Variants in ROBO2 observed in about 807,000 individuals in gnomAD.
The protein encoded by ROBO2 is roundabout homolog 2.
In ROBO2, 53 loss-of-function variants were observed where a neutral mutation model predicts 160.8. That is an observed-to-expected ratio of 0.33 (90% CI 0.26 to 0.41). The LOEUF is 0.41. ROBO2 is among the 10% of genes least tolerant of loss of function. The pLI, the probability that ROBO2 is intolerant of heterozygous loss-of-function variation, is 1.00. For synonymous variants in ROBO2, 664 were observed against 611.7 expected (o/e 1.09, Z -1.26); for missense variants, 1,577 against 1,722.4 (o/e 0.92, Z 1.49).
intron 1 of ROBO2, among the ~76,000 whole-genome samples, chr3:77,068,574 G>A (rs972789434): frequency 6.6e-6 from 1 of 151,968 alleles, no homozygotes; most frequent in African/African-American, 2.4e-5. Context: ...TAACAGGCAA[G>A]TTCAAAATTC....
At chr3:77,202,865 G>A (rs1411697971) in intron 2 of ROBO2, among the ~76,000 whole-genome samples, 1 of 152,126 alleles carries the variant, frequency 6.6e-6, no homozygotes, top group Non-Finnish European at 1.5e-5. Context: ...CCAAGTTTAA[G>A]GCAAAGGCCT....
intron 17 of ROBO2, among the ~76,000 whole-genome samples, chr3:77,591,085 A>C (rs1200365817): frequency 6.6e-6 from 1 of 152,146 alleles, no homozygotes; most frequent in African/African-American, 2.4e-5. Context: ...ATTTAATATG[A>C]GTGAGCAAAT....
At chr3:76,808,708 A>C (rs1424919174) in intron 2 of ROBO2, among the ~76,000 whole-genome samples, 4 of 152,142 alleles carry the variant, frequency 2.6e-5, no homozygotes, top group African/African-American at 7.2e-5. Context: ...TTAGAATCAG[A>C]CCTGCAGAGA....
intron 2 of ROBO2, among the ~76,000 whole-genome samples, chr3:77,130,201 G>A (rs141121323): frequency 1.1e-4 from 17 of 152,092 alleles, no homozygotes; most frequent in African/African-American, 3.6e-4. Context: ...TCCGATGGCC[G>A]GCCACTGCAC....
chr3:77,237,445 G>GTGTGTGTGTGTGTGTGT (rs1553862748), intron 2 of ROBO2, among the ~76,000 whole-genome samples: 6 of 147,018 alleles, frequency 4.1e-5, no homozygotes, highest in South Asian at 2.2e-4. Context: ...GTGTGTGTGT[G>GTGTGTGTGTGTGTGTGT]GTGGTGATAA....
At chr3:77,484,531 A>G (rs1367962539) in intron 4 of ROBO2, among the ~76,000 whole-genome samples, 1 of 151,764 alleles carries the variant, frequency 6.6e-6, no homozygotes, top group Non-Finnish European at 1.5e-5. Flanking sequence ...ACACACACAC[A>G]CACACACACA....
chr3:76,242,093 C>T (rs1229122150), intron 2 of ROBO2, among the ~76,000 whole-genome samples: 1 of 152,134 alleles, frequency 6.6e-6, no homozygotes, highest in Non-Finnish European at 1.5e-5. Context: ...AACTTTGAGA[C>T]ATTCCTTTTT....
chr3:76,622,005 C>T (rs930171281), intron 2 of ROBO2, among the ~76,000 whole-genome samples: 6 of 151,234 alleles, frequency 4.0e-5, no homozygotes, highest in Admixed American at 1.3e-4. Flanking sequence ...CTTATTCAAA[C>T]CATCCCTTAG....
chr3:77,538,593 A>G (rs940187139), intron 6 of ROBO2, among the ~76,000 whole-genome samples: 2 of 152,184 alleles, frequency 1.3e-5, no homozygotes, highest in South Asian at 2.1e-4. Flanking sequence ...TTATAAATAC[A>G]TTGCTTCCTC....
chr3:77,312,859 C>A (rs2063665570), intron 2 of ROBO2, among the ~76,000 whole-genome samples: 1 of 152,174 alleles, frequency 6.6e-6, no homozygotes, highest in Admixed American at 6.5e-5. Context: ...AATTATTCAG[C>A]ACACACATTT....
At chr3:76,736,519 T>C (rs1649760283) in intron 2 of ROBO2, among the ~76,000 whole-genome samples, 1 of 152,134 alleles carries the variant, frequency 6.6e-6, no homozygotes, top group Non-Finnish European at 1.5e-5. Flanking sequence ...CAACAATCAG[T>C]TACTTTTTTC....
At chr3:76,428,744 G>A (rs1017130988) in intron 2 of ROBO2, among the ~76,000 whole-genome samples, 12 of 152,120 alleles carry the variant, frequency 7.9e-5, no homozygotes, top group African/African-American at 2.7e-4. Flanking sequence ...AAATACTTGG[G>A]ATAGAACTTT....
intron 2 of ROBO2, among the ~76,000 whole-genome samples, chr3:76,538,151 T>TCACACACACACACACA (rs3223397): frequency 1.4e-5 from 2 of 146,258 alleles, no homozygotes; most frequent in African/African-American, 5.1e-5. Flanking sequence ...CTGACAGAAC[T>TCACACACACACACACA]CACACACACA....
At chr3:76,005,427 T>G (rs1042522519) in intron 2 of ROBO2, among the ~76,000 whole-genome samples, 24 of 152,282 alleles carry the variant, frequency 1.6e-4, no homozygotes, top group Non-Finnish European at 2.6e-4. Context: ...GTTTTTGTTA[T>G]CTTAGATGGT....
chr3:76,043,190 A>G (rs1432734442), intron 2 of ROBO2, among the ~76,000 whole-genome samples: 1 of 152,012 alleles, frequency 6.6e-6, no homozygotes, highest in Non-Finnish European at 1.5e-5. Context: ...TCATAGTGCC[A>G]TGAATATTTG....
intron 2 of ROBO2, among the ~76,000 whole-genome samples, chr3:76,780,867 C>CT (rs553900327): frequency 1.1e-3 from 166 of 149,036 alleles, no homozygotes; most frequent in African/African-American, 4.0e-3. Flanking sequence ...CAGCTTTGTT[C>CT]TTTTTTTTCA....
chr3:77,294,704 C>G (rs1205819473), intron 2 of ROBO2, among the ~76,000 whole-genome samples: 1 of 146,942 alleles, frequency 6.8e-6, no homozygotes. Context: ...GAGGCTAGAT[C>G]ACCAAAGACA....
At chr3:76,454,213 C>G (rs1165095028) in intron 2 of ROBO2, among the ~76,000 whole-genome samples, 1 of 152,046 alleles carries the variant, frequency 6.6e-6, no homozygotes, top group African/African-American at 2.4e-5. Flanking sequence ...AAGCACACAC[C>G]ATAACAGATT....
intron 2 of ROBO2, among the ~76,000 whole-genome samples, chr3:76,847,923 G>C (rs3884405): frequency 0.061 from 9,239 of 151,926 alleles, 309 homozygotes; most frequent in East Asian, 0.11. Context: ...ATTAAGAAGA[G>C]ATGACGAGAT....
Sources: gnomAD v4.1 joint callset for allele counts (sites outside exome capture counted in the v4.1 genomes callset) on GRCh38, gnomAD v4.1.1 for gene constraint, MANE v1.5 for transcripts, NCBI Gene and HGNC (gene_info 2026-07-23, HGNC 2026-07-21) for gene names.